Variants in KCNMB2 observed in about 807,000 individuals in gnomAD.
KCNMB2 encodes the protein calcium-activated potassium channel subunit beta-2.
In KCNMB2, 9 loss-of-function variants were observed where a neutral mutation model predicts 24.5. That is an observed-to-expected ratio of 0.37 (90% CI 0.22 to 0.64). The LOEUF (loss-of-function observed/expected upper bound fraction) is 0.64. Among genes scored for constraint, KCNMB2 ranks in the 30% least tolerant of loss-of-function variants. KCNMB2 has a pLI of 0.63. For missense variants in KCNMB2, 226 were observed against 284.3 expected, an observed-to-expected ratio of 0.79 and a Z score of 1.47; for synonymous variants, 109 against 104.4, an observed-to-expected ratio of 1.04 and a Z score of -0.27.
At chr3:178,679,028 T>TG (rs1560162579) in intron 1 of KCNMB2, among the ~76,000 whole-genome samples, 5 of 147,180 alleles carry the variant, frequency 3.4e-5, no homozygotes, top group African/African-American at 1.0e-4. Flanking sequence ...ATCAGTTTTT[T>TG]TTTGTTTGTT....
intron 1 of KCNMB2, among the ~76,000 whole-genome samples, chr3:178,722,000 C>T (rs927235802): frequency 2.0e-5 from 3 of 152,116 alleles, no homozygotes; most frequent in African/African-American, 7.2e-5. Flanking sequence ...TTCTCTTAGT[C>T]CATGGCTTGT....
chr3:178,759,663 G>GATATATATATATATATCCAAGAGGAT (rs1711629535), intron 1 of KCNMB2, among the ~76,000 whole-genome samples: 1 of 70,386 alleles, frequency 1.4e-5, no homozygotes, highest in Non-Finnish European at 2.9e-5. Context: ...CTCCAAGAGG[G>GATATATATATATATATCCAAGAGGAT]ATATATATAT....
chr3:178,662,397 A>G (rs111352310), intron 1 of KCNMB2, among the ~76,000 whole-genome samples: 8,650 of 152,254 alleles, frequency 0.057, 264 homozygotes, highest in Non-Finnish European at 0.074. Context: ...GAGGTAGCTT[A>G]GAGACACATA....
chr3:178,659,842 C>CTAT lies in KCNMB2; in HGVS notation c.-68+123147_-68+123149dup, dbSNP rs760328137. 2.2e-4 allele frequency among the ~76,000 whole-genome samples: 34 copies of CTAT among 152,022 alleles called. 1 individual carries two copies. In the East Asian group the frequency reaches 5.2e-3, roughly 23 times the overall value. On this transcript the variant is annotated intron_variant, in intron 1 of 4. Coordinates refer to ENST00000452583, the MANE Select transcript of KCNMB2 (RefSeq NM_181361.3). ...GCTTTTGCTATGATCATTATCATTACTATTATTATTATTATTATCCAATCT... is the reference window on the plus strand; with the variant it reads ...GCTTTTGCTATGATCATTATCATTACTATTATTATTATTATTATTATCCAATCT...
chr3:178,809,819 T>C (rs947277611), intron 2 of KCNMB2, among the ~76,000 whole-genome samples: 1 of 152,236 alleles, frequency 6.6e-6, no homozygotes, highest in Admixed American at 6.5e-5. Flanking sequence ...TTTTAAAGTA[T>C]GATTTCAGAA....
intron 1 of KCNMB2, among the ~76,000 whole-genome samples, chr3:178,678,806 G>T (rs1721160629): frequency 6.6e-6 from 1 of 152,136 alleles, no homozygotes; most frequent in South Asian, 2.1e-4. Context: ...GTATTCTGTG[G>T]GCTGCAGGCT....
At chr3:178,747,033 T>C (rs917710216) in intron 1 of KCNMB2, 2 of 152,636 alleles carry the variant, frequency 1.3e-5, no homozygotes, top group African/African-American at 2.4e-5. Flanking sequence ...CAGGTATCTT[T>C]TCCACAGCAC....
Position 178,843,597 on chromosome 3 carries a change from G to T in KCNMB2, c.*660G>T, listed in dbSNP as rs1324804673. The T allele has an allele frequency of 6.0e-6, 1 of 168,010 alleles. No homozygotes were observed. Among genetic ancestry groups the T allele is most frequent in the Non-Finnish European group, 1.3e-5 (1 of 77,708 alleles). The allele number at this position is 168,010 out of a possible 1,614,324, so 10.4% of individuals were successfully genotyped here. On this transcript the variant is annotated 3_prime_UTR_variant, in exon 5 of 5. Coordinates refer to ENST00000452583, the MANE Select transcript of KCNMB2 (RefSeq NM_181361.3). ...TCTTCCTGTGATTTATGTAGAAAATGAACACACCCCTTTTCCATTTAAGAC... is the reference window on the plus strand; with the variant it reads ...TCTTCCTGTGATTTATGTAGAAAATTAACACACCCCTTTTCCATTTAAGAC...
chr3:178,840,770 C>T (rs1285728488), intron 4 of KCNMB2, among the ~76,000 whole-genome samples: 1 of 152,216 alleles, frequency 6.6e-6, no homozygotes, highest in South Asian at 2.1e-4. Flanking sequence ...GGGCCCTAGG[C>T]CATTTTTCCC....
In KCNMB2 at chr3:178,844,067, C is replaced by A. The variant is rs1018380982; in HGVS notation, c.*1130C>A. 2 of 152,422 alleles carry A rather than the reference C, an allele frequency of 1.3e-5. No individual in the cohort carries two copies. The highest frequency in any genetic ancestry group is 2.9e-5 in the Non-Finnish European group (2 of 67,962). 9.4% of individuals were successfully genotyped at this position (152,422 alleles called of 1,614,324 possible). The stretch of plus-strand genomic sequence containing the variant: ...TCTAACACATATTTGAACTGAATAA[C>A]AGACTTAAAGAAAGCCTTTGTTCAC... On this transcript the variant is annotated 3_prime_UTR_variant, in exon 5 of 5. Coordinates refer to ENST00000452583, the MANE Select transcript of KCNMB2 (RefSeq NM_181361.3).
intron 1 of KCNMB2, among the ~76,000 whole-genome samples, chr3:178,646,613 C>A (rs762596424): frequency 2.6e-5 from 4 of 152,234 alleles, no homozygotes; most frequent in Non-Finnish European, 5.9e-5. Context: ...GAGGCTGAAA[C>A]AATCCTTTCC....
At chr3:178,737,017 C>T (rs937239888) in intron 1 of KCNMB2, among the ~76,000 whole-genome samples, 5 of 152,178 alleles carry the variant, frequency 3.3e-5, no homozygotes, top group African/African-American at 1.2e-4. Context: ...TGCCTGTAAT[C>T]CCAACACTTT....
intron 1 of KCNMB2, among the ~76,000 whole-genome samples, chr3:178,722,372 C>A (rs542696259): frequency 1.8e-4 from 28 of 152,264 alleles, no homozygotes; most frequent in Admixed American, 1.0e-3. Flanking sequence ...TCTCACAGCT[C>A]TGGAGGCTGT....
chr3:178,657,269 C>T (rs774363777), intron 1 of KCNMB2, among the ~76,000 whole-genome samples: 2 of 152,192 alleles, frequency 1.3e-5, no homozygotes, highest in African/African-American at 2.4e-5. Flanking sequence ...GGTGTTCTCT[C>T]CTAATTGTTT....
intron 1 of KCNMB2, among the ~76,000 whole-genome samples, chr3:178,648,480 C>T (rs147936778): frequency 2.6e-5 from 4 of 152,250 alleles, no homozygotes; most frequent in South Asian, 2.1e-4. Flanking sequence ...CAAGGCAGCA[C>T]GCTGTGAGCT....
At chr3:178,738,844 C>T (rs149273521) in intron 1 of KCNMB2, among the ~76,000 whole-genome samples, 12 of 152,164 alleles carry the variant, frequency 7.9e-5, no homozygotes, top group South Asian at 2.1e-4. Context: ...AATAACATAC[C>T]GATGTCTGTT....
At chr3:178,758,022 T>A (rs367577733) in intron 1 of KCNMB2, among the ~76,000 whole-genome samples, 50,256 of 53,694 alleles carry the variant, frequency 0.94, 23,523 homozygotes, top group East Asian at 0.99. Context: ...TATATATATC[T>A]AGAGGATATA....
intron 1 of KCNMB2, among the ~76,000 whole-genome samples, chr3:178,667,317 A>G (rs13089812): frequency 0.26 from 39,620 of 152,010 alleles, 5,815 homozygotes; most frequent in African/African-American, 0.4. Context: ...GTCAAGGCCT[A>G]GGAAGTCAAG....
At chr3:178,775,220 A>T (rs1712531362) in intron 1 of KCNMB2, among the ~76,000 whole-genome samples, 1 of 152,240 alleles carries the variant, frequency 6.6e-6, no homozygotes, top group South Asian at 2.1e-4. Context: ...ATCATAAATT[A>T]CATTTTTTTT....
Sources: allele counts gnomAD v4.1 joint callset (sites outside exome capture counted in the v4.1 genomes callset), GRCh38; gene constraint gnomAD v4.1.1; transcripts MANE v1.5; gene names NCBI Gene and HGNC (gene_info 2026-07-23, HGNC 2026-07-21).